The following FKTN variants were observed in gnomAD, a reference collection of about 807,000 sequenced individuals.
FKTN encodes the protein ribitol-5-phosphate transferase FKTN.
A neutral mutation model predicts 58.6 loss-of-function variants in FKTN; 47 were observed. That is an observed-to-expected ratio of 0.80 (90% CI 0.63 to 1.02). The LOEUF (loss-of-function observed/expected upper bound fraction) is 1.02, where lower values mean the gene tolerates loss of function less well. Among genes scored for constraint, FKTN ranks in the 50% least tolerant of loss-of-function variants. The pLI is 0.00. For missense variants in FKTN, 516 were observed against 537.3 expected (o/e 0.96, Z 0.39); for synonymous variants, 178 against 191.9 (o/e 0.93, Z 0.60).
At position 105,637,867 on chromosome 9, in the gene FKTN, G is replaced by A; in HGVS notation, c.*2603G>A. ...TGCAGCTACTGATATCTGGCCCCTG[G>A]AATAAAACCATAGTTCCTAAAATTG... On this transcript the variant is annotated 3_prime_UTR_variant, in exon 11 of 11. Transcript: ENST00000357998. 1.0e-6 allele frequency: 1 copy of A among 985,320 alleles called. No individual in the cohort carries two copies. Among genetic ancestry groups the A allele is most frequent in the Non-Finnish European group, 1.2e-6 (1 of 829,896 alleles). 61.0% of individuals were successfully genotyped at this position (985,320 alleles called of 1,614,324 possible).
intron 1 of FKTN, among the ~76,000 whole-genome samples, chr9:105,562,578 C>T (rs1838501848): frequency 6.6e-6 from 1 of 152,230 alleles, no homozygotes; most frequent in Non-Finnish European, 1.5e-5. Context: ...TACCAGAATT[C>T]AGGTCCCTCT....
Position 105,638,388 on chromosome 9 carries a change from A to C in FKTN, c.*3124A>C. The C allele has an allele frequency of 2.0e-6, 2 of 985,368 alleles. No homozygotes were observed. The highest frequency in any genetic ancestry group is 2.4e-6 in the Non-Finnish European group (2 of 829,908). The allele number at this position is 985,368 out of a possible 1,614,324, so 61.0% of individuals were successfully genotyped here. On this transcript the variant is annotated 3_prime_UTR_variant, in exon 11 of 11. Coordinates refer to ENST00000357998, the MANE Select transcript of FKTN (RefSeq NM_001079802.2). Reference sequence around the variant, plus strand: ...TTCAGAATTCTTAGGCAACCTTCATACCTTTATCTGGAAAATGCCTTCTCT... The same window carrying C: ...TTCAGAATTCTTAGGCAACCTTCATCCCTTTATCTGGAAAATGCCTTCTCT...
At chr9:105,580,987 G>A (rs1205466642) in intron 3 of FKTN, among the ~76,000 whole-genome samples, 1 of 135,136 alleles carries the variant, frequency 7.4e-6, no homozygotes, top group Non-Finnish European at 1.6e-5. Context: ...CATTCTTCAC[G>A]TAGTTCTCGA....
intron 7 of FKTN, among the ~76,000 whole-genome samples, chr9:105,611,609 T>C (rs995229849): frequency 2.6e-5 from 4 of 152,210 alleles, no homozygotes; most frequent in African/African-American, 9.7e-5. Flanking sequence ...AGGTTTTCTG[T>C]TCCTGTGTTA....
At chr9:105,596,741 G>T in intron 4 of FKTN, 84 bp downstream of exon 4, 3 of 1,030,864 alleles carry the variant, frequency 2.9e-6, no homozygotes. Context: ...TTGAATGATG[G>T]CAATAATAAT....
chr9:105,605,712 G>T (rs189638513), intron 6 of FKTN, among the ~76,000 whole-genome samples: 1 of 152,298 alleles, frequency 6.6e-6, no homozygotes, highest in East Asian at 1.9e-4. Flanking sequence ...CATGGAGATA[G>T]AGAGTAGAAT....
chr9:105,602,306 G>A (rs555580021), intron 5 of FKTN, among the ~76,000 whole-genome samples: 1 of 152,266 alleles, frequency 6.6e-6, no homozygotes, highest in East Asian at 1.9e-4. Context: ...TCTTGGCCTA[G>A]GACTCTAAAT....
At chr9:105,559,224 C>T (rs1054133676) in intron 1 of FKTN, among the ~76,000 whole-genome samples, 14 of 152,262 alleles carry the variant, frequency 9.2e-5, no homozygotes, top group African/African-American at 3.4e-4. Flanking sequence ...AATAACTAGC[C>T]TCTTGGCTGT....
chr9:105,615,367 A>G lies in FKTN; in HGVS notation c.870A>G (p.Lys290=). ...AACTAGCAGCGAAAACATTAAACAA[A>G]TTGGGAGTACCATTCTGGCTGAGCA... ...LLQLAAKTLN[K]LGVPFWLSSG... Residue 290 remains lysine, a synonymous_variant, in exon 8 of 11, where the codon AAA becomes AAG. Coordinates refer to ENST00000357998, the MANE Select transcript of FKTN (RefSeq NM_001079802.2). 1 of 1,614,100 alleles carries G rather than the reference A, an allele frequency of 6.2e-7. No homozygotes were observed. Among genetic ancestry groups the G allele is most frequent in the Non-Finnish European group, 8.5e-7 (1 of 1,179,908 alleles).
At chr9:105,581,987 C>A (rs535606270) in intron 3 of FKTN, among the ~76,000 whole-genome samples, 1 of 152,310 alleles carries the variant, frequency 6.6e-6, no homozygotes, top group East Asian at 1.9e-4. Flanking sequence ...TGACACCTTG[C>A]GCTTCCCAGG....
At chr9:105,583,127 G>T (rs1470376209) in intron 3 of FKTN, among the ~76,000 whole-genome samples, 2 of 152,236 alleles carry the variant, frequency 1.3e-5, no homozygotes, top group African/African-American at 2.4e-5. Context: ...GATTGCAAAA[G>T]AGAAGGGGTT....
intron 3 of FKTN, among the ~76,000 whole-genome samples, chr9:105,581,804 C>T (rs1014000715): frequency 6.6e-6 from 1 of 152,202 alleles, no homozygotes; most frequent in East Asian, 1.9e-4. Flanking sequence ...GACTGCTGGG[C>T]TAGCAATCAG....
chr9:105,617,662 C>T (rs1014584818), intron 8 of FKTN, among the ~76,000 whole-genome samples: 20 of 151,842 alleles, frequency 1.3e-4, no homozygotes, highest in African/African-American at 4.9e-4. Context: ...ATAGAAGGTT[C>T]AGGTGACTGC....
intron 7 of FKTN, among the ~76,000 whole-genome samples, chr9:105,609,952 T>G (rs1029598017): frequency 1.3e-5 from 2 of 152,226 alleles, no homozygotes; most frequent in African/African-American, 4.8e-5. Flanking sequence ...CCTCATTACA[T>G]TTTCAATTTA....
intron 1 of FKTN, among the ~76,000 whole-genome samples, chr9:105,572,760 A>G (rs1237412681): frequency 6.6e-6 from 1 of 152,206 alleles, no homozygotes; most frequent in Non-Finnish European, 1.5e-5. Context: ...TGGAAGAAGT[A>G]ATGTTTAAAT....
At chr9:105,619,854 T>A in intron 9 of FKTN, 80 bp from the exon 10 acceptor site, 1 of 1,284,150 alleles carries the variant, frequency 7.8e-7, no homozygotes, top group African/African-American at 1.5e-5. Flanking sequence ...TCTGTTTCTT[T>A]ATTTTTATTT....
At chr9:105,563,775 G>A (rs1838807619) in intron 1 of FKTN, among the ~76,000 whole-genome samples, 2 of 152,200 alleles carry the variant, frequency 1.3e-5, no homozygotes, top group Admixed American at 6.5e-5. Flanking sequence ...AGACTTAAAT[G>A]TTCCTGTCTG....
intron 7 of FKTN, among the ~76,000 whole-genome samples, chr9:105,612,528 T>A (rs886844828): frequency 6.6e-6 from 1 of 152,212 alleles, no homozygotes; most frequent in African/African-American, 2.4e-5. Flanking sequence ...GTTTTACATT[T>A]AAGTCTTTAA....
At chr9:105,607,372 G>T (rs887711288) in intron 6 of FKTN, among the ~76,000 whole-genome samples, 6 of 151,892 alleles carry the variant, frequency 4.0e-5, no homozygotes, top group African/African-American at 1.4e-4. Context: ...TGCTTAAAAT[G>T]CCAAGTGTGT....
Sources: gnomAD v4.1 joint callset for allele counts (sites outside exome capture counted in the v4.1 genomes callset) on GRCh38, gnomAD v4.1.1 for gene constraint, MANE v1.5 for transcripts, NCBI Gene and HGNC (gene_info 2026-07-23, HGNC 2026-07-21) for gene names.